The following ADAM12 variants were observed in gnomAD, a reference collection of about 807,000 sequenced individuals.
The protein encoded by ADAM12 is disintegrin and metalloproteinase domain-containing protein 12.
A neutral mutation model predicts 106.4 loss-of-function variants in ADAM12; 70 were observed. That is an observed-to-expected ratio of 0.66 (90% CI 0.54 to 0.80). The LOEUF (loss-of-function observed/expected upper bound fraction) is 0.80. ADAM12 is among the 30% of genes least tolerant of loss of function. The probability of loss-of-function intolerance (pLI) is 0.00; values close to 1 mark genes in which losing one functional copy is unlikely to be tolerated. For missense variants in ADAM12, 1,010 were observed against 1,171.9 expected, an observed-to-expected ratio of 0.86 and a Z score of 2.02; for synonymous variants, 420 against 433.5, an observed-to-expected ratio of 0.97 and a Z score of 0.39.
chr10:126,362,181 A>G (rs1855764999), intron 1 of ADAM12, among the ~76,000 whole-genome samples: 2 of 152,278 alleles, frequency 1.3e-5, no homozygotes, highest in South Asian at 4.2e-4. Context: ...CAGATATATG[A>G]AAAAAAGTCC....
intron 1 of ADAM12, among the ~76,000 whole-genome samples, chr10:126,351,593 T>G (rs1590814783): frequency 6.6e-6 from 1 of 152,292 alleles, no homozygotes; most frequent in East Asian, 1.9e-4. Flanking sequence ...CACTGCACCT[T>G]GGACCTCCCA....
intron 9 of ADAM12, 147 bp downstream of exon 9, chr10:126,100,925 C>T: frequency 1.3e-6 from 1 of 755,174 alleles, no homozygotes; most frequent in Non-Finnish European, 2.0e-6. Flanking sequence ...GTGGCATCTG[C>T]CCCCCTGGTG....
At position 126,388,325 on chromosome 10, in the gene ADAM12, T is replaced by C. The variant is rs990246987; in HGVS notation, c.-180A>G. The C allele has an allele frequency of 8.6e-5, 85 of 993,802 alleles. No individual in the cohort carries two copies. The African/African-American group carries it at 1.4e-3, about 16-fold the overall frequency. The allele number at this position is 993,802 out of a possible 1,614,324, so 61.6% of individuals were successfully genotyped here. ...CTGAGCTCTTCTAGCCTTTCATTTT[T>C]AAAAAAGTTTCCCCCCGTGTGTGTG... is the stretch of plus-strand genomic sequence containing the variant. On this transcript the variant is annotated 5_prime_UTR_variant, in exon 1 of 23. Transcript: ENST00000448723. The surrounding 1 kb of genome is among the most constrained non-coding windows in gnomAD (Gnocchi z 4.4).
chr10:126,182,993 C>T (rs1484967864), intron 3 of ADAM12, among the ~76,000 whole-genome samples: 3 of 152,162 alleles, frequency 2.0e-5, no homozygotes, highest in Non-Finnish European at 4.4e-5. Flanking sequence ...CTCCTCATTG[C>T]TTACATTACT....
chr10:126,172,438 G>A lies in ADAM12; in HGVS notation c.261-17133C>T, dbSNP rs144908346. ...GAAAAAAACAACCCCATCAAAAAGTGGGCGAAGGATATGAACAGATATTTC... is the reference window on the plus strand; with the variant it reads ...GAAAAAAACAACCCCATCAAAAAGTAGGCGAAGGATATGAACAGATATTTC... On this transcript the variant is annotated intron_variant, in intron 3 of 22. Coordinates refer to ENST00000448723, the MANE Select transcript of ADAM12 (RefSeq NM_001288973.2). Among the ~76,000 whole-genome samples the A allele has an allele frequency of 9.7e-3, 1,483 of 152,246 alleles. 37 individuals are homozygous for A. The highest frequency in any genetic ancestry group is 0.033 in the African/African-American group (1,384 of 41,536).
At chr10:126,070,980 A>C (rs1152654) in intron 12 of ADAM12, among the ~76,000 whole-genome samples, 23,463 of 152,244 alleles carry the variant, frequency 0.15, 2,192 homozygotes, top group East Asian at 0.4. Context: ...TGAAAGCTAC[A>C]AGCTCGAGAG....
At chr10:126,206,780 A>T (rs1044677651) in intron 3 of ADAM12, among the ~76,000 whole-genome samples, 4 of 141,858 alleles carry the variant, frequency 2.8e-5, no homozygotes, top group Non-Finnish European at 6.1e-5. Flanking sequence ...GGGAGGAAGG[A>T]AAGTGATACG....
At chr10:126,374,827 T>C (rs4357606) in intron 1 of ADAM12, among the ~76,000 whole-genome samples, 23,689 of 152,034 alleles carry the variant, frequency 0.16, 2,207 homozygotes, top group Middle Eastern at 0.27. Context: ...ATTGATTGGA[T>C]TCAAGAAGCA....
chr10:126,204,148 A>C (rs1590615516), intron 3 of ADAM12, among the ~76,000 whole-genome samples: 1 of 152,202 alleles, frequency 6.6e-6, no homozygotes, highest in East Asian at 1.9e-4. Flanking sequence ...CTCCTACTTC[A>C]GAGGCTAGAA....
At chr10:126,239,456 C>A (rs1232706481) in intron 3 of ADAM12, among the ~76,000 whole-genome samples, 1 of 152,174 alleles carries the variant, frequency 6.6e-6, no homozygotes, top group Non-Finnish European at 1.5e-5. Flanking sequence ...TTTTAACCCT[C>A]AACTTTCTGG....
At chr10:126,190,629 G>A (rs998411293) in intron 3 of ADAM12, among the ~76,000 whole-genome samples, 10 of 152,146 alleles carry the variant, frequency 6.6e-5, no homozygotes, top group African/African-American at 2.2e-4. Flanking sequence ...CAGACAAAAC[G>A]TGAAGAGTGT....
chr10:126,038,110 C>T, intron 20 of ADAM12, 131 bp downstream of exon 20: 1 of 883,686 alleles, frequency 1.1e-6, no homozygotes, highest in Non-Finnish European at 1.8e-6. Flanking sequence ...CCCTCAGAGC[C>T]TGCTGACCTA....
intron 1 of ADAM12, among the ~76,000 whole-genome samples, chr10:126,333,993 T>C (rs914583585): frequency 1.4e-4 from 21 of 152,332 alleles, no homozygotes; most frequent in South Asian, 4.1e-4. Flanking sequence ...AGCTTTTTCA[T>C]TGGCTGCACA....
intron 17 of ADAM12, among the ~76,000 whole-genome samples, chr10:126,044,603 C>T (rs1044091329): frequency 6.6e-6 from 1 of 152,168 alleles, no homozygotes; most frequent in African/African-American, 2.4e-5. Flanking sequence ...GCCAGATATA[C>T]AGTTTCATAT....
chr10:126,130,018 G>T (rs1028477367), intron 5 of ADAM12, among the ~76,000 whole-genome samples: 1 of 151,918 alleles, frequency 6.6e-6, no homozygotes, highest in Non-Finnish European at 1.5e-5. Flanking sequence ...ATGTTCTTTC[G>T]CTGCAAAACT....
At chr10:126,257,688 A>C (rs1958920673) in intron 3 of ADAM12, among the ~76,000 whole-genome samples, 1 of 152,250 alleles carries the variant, frequency 6.6e-6, no homozygotes, top group Non-Finnish European at 1.5e-5. Flanking sequence ...ACTTGCATCC[A>C]TCAACCGTGG....
At chr10:126,377,216 C>T (rs1856323999) in intron 1 of ADAM12, among the ~76,000 whole-genome samples, 1 of 152,146 alleles carries the variant, frequency 6.6e-6, no homozygotes, top group Non-Finnish European at 1.5e-5. Flanking sequence ...CACCACATAC[C>T]AACTCTATTA....
At chr10:126,252,058 A>G (rs1237889176) in intron 3 of ADAM12, among the ~76,000 whole-genome samples, 1 of 142,876 alleles carries the variant, frequency 7.0e-6, no homozygotes, top group Non-Finnish European at 1.5e-5. Flanking sequence ...GATGGATGAG[A>G]TGGATGATGG....
chr10:126,068,232 T>C (rs1355303564), intron 12 of ADAM12, among the ~76,000 whole-genome samples: 1 of 152,222 alleles, frequency 6.6e-6, no homozygotes, highest in Non-Finnish European at 1.5e-5. Context: ...CATTTTTAAA[T>C]CAGTGTCATC....
Sources: allele counts gnomAD v4.1 joint callset (sites outside exome capture counted in the v4.1 genomes callset), GRCh38; gene constraint gnomAD v4.1.1; non-coding constraint Gnocchi (gnomAD v3.1); transcripts MANE v1.5; gene names NCBI Gene and HGNC (gene_info 2026-07-23, HGNC 2026-07-21).